BCAT1: variants seen among roughly 807,000 people sequenced by gnomAD.
BCAT1 encodes branched chain amino acid transaminase 1.
BCAT1 carries 48 observed loss-of-function variants against 52.4 expected under a neutral mutation model. The observed-to-expected ratio is 0.92, with a 90% CI of 0.73 to 1.16. The LOEUF is 1.16. BCAT1 is among the 50% of genes most tolerant of loss of function. BCAT1 has a pLI of 0.00. For synonymous variants in BCAT1, 167 were observed against 161.3 expected (o/e 1.04, Z -0.27); for missense variants, 451 against 457.1 (o/e 0.99, Z 0.12).
chr12:24,923,240 G>A (rs1267884932), intron 1 of BCAT1, among the ~76,000 whole-genome samples: 1 of 152,174 alleles, frequency 6.6e-6, no homozygotes, highest in Non-Finnish European at 1.5e-5. Context: ...AGAAATTCAA[G>A]TTCCCAGACA....
At chr12:24,844,894 CAAA>C (rs11318750) in intron 6 of BCAT1, among the ~76,000 whole-genome samples, 86 of 35,996 alleles carry the variant, frequency 2.4e-3, no homozygotes, top group African/African-American at 6.2e-3. Flanking sequence ...GAGACTGTCT[CAAA>C]AAAAAAAAAA....
intron 5 of BCAT1, among the ~76,000 whole-genome samples, chr12:24,856,140 T>G (rs918436474): frequency 6.6e-6 from 1 of 152,220 alleles, no homozygotes; most frequent in Non-Finnish European, 1.5e-5. Context: ...GTCTTAAGCA[T>G]GAGCTCCCTG....
intron 4 of BCAT1, among the ~76,000 whole-genome samples, chr12:24,879,227 A>C (rs988657321): frequency 1.1e-4 from 16 of 152,244 alleles, no homozygotes; most frequent in Admixed American, 9.8e-4. Context: ...GTTCTTCAAA[A>C]GATGTAAAGC....
At chr12:24,914,306 C>T (rs1348243870) in intron 1 of BCAT1, among the ~76,000 whole-genome samples, 1 of 152,124 alleles carries the variant, frequency 6.6e-6, no homozygotes, top group African/African-American at 2.4e-5. Context: ...TGGTCTCGAA[C>T]TCCTGAGCTC....
chr12:24,926,191 T>C (rs1340491289), intron 1 of BCAT1, among the ~76,000 whole-genome samples: 1 of 150,040 alleles, frequency 6.7e-6, no homozygotes, highest in Non-Finnish European at 1.5e-5. Context: ...GGGGAGCGCC[T>C]CTGCCCTGCT....
At position 24,881,337 on chromosome 12, in the gene BCAT1, A is replaced by T. The variant is rs1265739028; in HGVS notation, c.354T>A (p.Asp118Glu). 6.2e-7 allele frequency: 1 copy of T among 1,613,156 alleles called. No individual in the cohort carries two copies. The highest frequency in any genetic ancestry group is 8.5e-7 in the Non-Finnish European group (1 of 1,179,176). Residue 118 changes from aspartate (D) to glutamate (E), a missense_variant, in exon 4 of 11, where the codon GAT becomes GAA. Coordinates refer to ENST00000261192, the MANE Select transcript of BCAT1 (RefSeq NM_005504.7). ...CCCTCACAGCAGAGCGATACATTCT[A>T]TCCATGTTGAGGTTTGGCTGAAACA... The part of the protein sequence containing the change: ...IRLFQPNLNM[D>E]RMYRSAVRAT...
At chr12:24,862,130 G>A (rs1386328020) in intron 5 of BCAT1, among the ~76,000 whole-genome samples, 2 of 152,112 alleles carry the variant, frequency 1.3e-5, no homozygotes, top group East Asian at 3.9e-4. Flanking sequence ...CATAAAAATA[G>A]CCAACCAGAA....
Position 24,816,827 on chromosome 12 carries a change from G to A in BCAT1, c.*1181C>T, listed in dbSNP as rs371311626. 3.2e-4 allele frequency: 112 copies of A among 355,408 alleles called. No homozygotes were observed. Among genetic ancestry groups the A allele is most frequent in the African/African-American group, 1.9e-3 (90 of 47,882 alleles). 22.0% of individuals were successfully genotyped at this position (355,408 alleles called of 1,614,324 possible). Reference sequence around the variant, plus strand: ...CAAGCATTAGATTCTCATAAGGAGCGCATAGCCTAGATCCCTTGCATGCAG... The same window carrying A: ...CAAGCATTAGATTCTCATAAGGAGCACATAGCCTAGATCCCTTGCATGCAG... On this transcript the variant is annotated 3_prime_UTR_variant, in exon 11 of 11. Coordinates refer to ENST00000261192, the MANE Select transcript of BCAT1 (RefSeq NM_005504.7).
At chr12:24,896,734 C>A (rs1260110314) in intron 2 of BCAT1, among the ~76,000 whole-genome samples, 1 of 152,024 alleles carries the variant, frequency 6.6e-6, no homozygotes, top group Non-Finnish European at 1.5e-5. Flanking sequence ...CCAGTGCACT[C>A]CAGCCTGGGC....
intron 1 of BCAT1, among the ~76,000 whole-genome samples, chr12:24,916,111 A>G (rs1943402925): frequency 6.6e-6 from 1 of 152,238 alleles, no homozygotes; most frequent in Admixed American, 6.5e-5. Flanking sequence ...GTGAGCCAAG[A>G]TCTCACCACT....
At chr12:24,927,844 T>C (rs1335043868) in intron 1 of BCAT1, among the ~76,000 whole-genome samples, 1 of 152,166 alleles carries the variant, frequency 6.6e-6, no homozygotes, top group Non-Finnish European at 1.5e-5. Context: ...TAGTTTTATT[T>C]TTCTCTCATT....
At chr12:24,844,997 GAGGTC>G (rs1420715500) in intron 6 of BCAT1, among the ~76,000 whole-genome samples, 1 of 150,716 alleles carries the variant, frequency 6.6e-6, no homozygotes, top group Admixed American at 6.6e-5. Flanking sequence ...CAAGTTACTT[GAGGTC>G]AGGAGTTCCA....
At chr12:24,853,214 T>C (rs149654604) in intron 5 of BCAT1, among the ~76,000 whole-genome samples, 1 of 152,270 alleles carries the variant, frequency 6.6e-6, no homozygotes, top group African/African-American at 2.4e-5. Flanking sequence ...CCATCAATGG[T>C]GGACTGAATA....
intron 3 of BCAT1, among the ~76,000 whole-genome samples, chr12:24,889,715 C>G (rs1055604276): frequency 6.6e-6 from 1 of 152,214 alleles, no homozygotes; most frequent in Non-Finnish European, 1.5e-5. Flanking sequence ...TCCAAAGGGG[C>G]TGGGTGGCTC....
chr12:24,887,943 G>A (rs540071215), intron 3 of BCAT1, among the ~76,000 whole-genome samples: 150 of 152,264 alleles, frequency 9.9e-4, no homozygotes, highest in African/African-American at 3.5e-3. Flanking sequence ...ATGGATTCTA[G>A]ACTCAATAGG....
chr12:24,891,145 T>G (rs1240374469), intron 3 of BCAT1, among the ~76,000 whole-genome samples: 1 of 152,168 alleles, frequency 6.6e-6, no homozygotes, highest in African/African-American at 2.4e-5. Context: ...CTCAGTCAAC[T>G]GACACATACA....
chr12:24,850,207 C>G (rs1439922645), intron 5 of BCAT1, among the ~76,000 whole-genome samples: 2 of 152,082 alleles, frequency 1.3e-5, no homozygotes, highest in African/African-American at 4.8e-5. Flanking sequence ...TCCATTTTTG[C>G]GTGTTAGTAG....
At chr12:24,882,175 A>G (rs538398925) in intron 3 of BCAT1, among the ~76,000 whole-genome samples, 1 of 152,364 alleles carries the variant, frequency 6.6e-6, no homozygotes, top group African/African-American at 2.4e-5. Context: ...ACTCTTACAC[A>G]GACCAGCTGT....
chr12:24,815,180 T>C lies in BCAT1; in HGVS notation c.*2828A>G, dbSNP rs1214604827. 1 of 152,144 alleles carries C rather than the reference T, an allele frequency of 6.6e-6. No homozygotes were observed. Among genetic ancestry groups the C allele is most frequent in the Admixed American group, 6.6e-5 (1 of 15,260 alleles). The allele number at this position is 152,144 out of a possible 1,614,324, so 9.4% of individuals were successfully genotyped here. ...AAATCTTGGTTTCTACTGATGTGTT[T>C]TCAAAAAAGCTGACAAGCTCGGTCT... On this transcript the variant is annotated 3_prime_UTR_variant, in exon 11 of 11. Transcript: ENST00000261192.
Sources: gnomAD v4.1 joint callset for allele counts (sites outside exome capture counted in the v4.1 genomes callset) on GRCh38, gnomAD v4.1.1 for gene constraint, MANE v1.5 for transcripts, NCBI Gene and HGNC (gene_info 2026-07-23, HGNC 2026-07-21) for gene names.